The following GRIA3 variants were observed in gnomAD, a reference collection of about 807,000 sequenced individuals.
GRIA3 encodes glutamate receptor 3.
Under a neutral mutation model 63.0 loss-of-function variants are expected in GRIA3, and 3 were observed. The ratio of observed to expected loss-of-function variants is 0.05; its 90% CI spans 0.02 to 0.12. The LOEUF (loss-of-function observed/expected upper bound fraction) is 0.12, where lower values mean the gene tolerates loss of function less well. Among genes scored for constraint, GRIA3 ranks in the 10% least tolerant of loss-of-function variants. The pLI is 1.00. For synonymous variants in GRIA3, 274 were observed against 257.9 expected (o/e 1.06, Z -0.60); for missense variants, 347 against 700.9 (o/e 0.50, Z 5.70).
At chrX:123,386,379 T>C (rs2045354351) in intron 5 of GRIA3, among the ~76,000 whole-genome samples, 1 of 112,128 alleles carries the variant, frequency 8.9e-6, no homozygotes, top group Non-Finnish European at 1.9e-5. Flanking sequence ...ATGAATAGTT[T>C]ACAAATATTT....
intron 13 of GRIA3, among the ~76,000 whole-genome samples, chrX:123,476,562 G>A (rs779193953): frequency 8.9e-6 from 1 of 111,815 alleles, no homozygotes; most frequent in Non-Finnish European, 1.9e-5. Context: ...TCTTTTCTTG[G>A]CATCTATTGT....
At chrX:123,338,177 TC>T (rs1412297375) in intron 4 of GRIA3, among the ~76,000 whole-genome samples, 2 of 112,286 alleles carry the variant, frequency 1.8e-5, no homozygotes, top group African/African-American at 6.5e-5. Context: ...GCATTTTCTT[TC>T]ATCAGGGAGG....
At chrX:123,204,351 G>C (rs1476951491) in intron 2 of GRIA3, 1 of 1,037,276 alleles carries the variant, frequency 9.6e-7, no homozygotes. Flanking sequence ...CCCATGATGT[G>C]GCTCATCCAT....
intron 5 of GRIA3, among the ~76,000 whole-genome samples, chrX:123,360,881 A>T (rs2045169724): frequency 9.7e-6 from 1 of 103,367 alleles, no homozygotes; most frequent in Non-Finnish European, 2.0e-5. Flanking sequence ...ACACACACAC[A>T]CACACACACA....
intron 2 of GRIA3, among the ~76,000 whole-genome samples, chrX:123,199,766 A>G (rs756647894): frequency 8.9e-6 from 1 of 111,814 alleles, no homozygotes; most frequent in African/African-American, 3.3e-5. Context: ...CATGAGTTTC[A>G]GGCGCCACAA....
intron 3 of GRIA3, 68 bp from the exon 4 acceptor site, chrX:123,325,958 A>G (rs1392271965): frequency 1.1e-6 from 1 of 936,512 alleles, no homozygotes; most frequent in Non-Finnish European, 1.5e-6. Context: ...GTGACTAGAA[A>G]TTCAGTAGAA....
chrX:123,476,956 C>G (rs1179543665), intron 13 of GRIA3, among the ~76,000 whole-genome samples: 1 of 111,792 alleles, frequency 8.9e-6, no homozygotes, highest in South Asian at 3.7e-4. Flanking sequence ...CTAAAGTAAC[C>G]TACACTGTAA....
intron 2 of GRIA3, among the ~76,000 whole-genome samples, chrX:123,194,668 G>C (rs955395079): frequency 8.9e-6 from 1 of 112,057 alleles, no homozygotes; most frequent in Non-Finnish European, 1.9e-5. Flanking sequence ...TAGATGTATT[G>C]AATCAGAAAC....
intron 5 of GRIA3, among the ~76,000 whole-genome samples, chrX:123,365,367 G>A (rs2045203803): frequency 8.9e-6 from 1 of 111,953 alleles, no homozygotes; most frequent in Non-Finnish European, 1.9e-5. Flanking sequence ...TGTAGGCAAA[G>A]AGAACAAAGA....
intron 12 of GRIA3, among the ~76,000 whole-genome samples, chrX:123,431,159 T>G (rs990646865): frequency 9.0e-6 from 1 of 111,621 alleles, no homozygotes; most frequent in Non-Finnish European, 1.9e-5. Context: ...CCGTGCTCAC[T>G]CTATACTAAT....
rs775498817 is a variant in GRIA3, at chrX:123,218,875, T to C, written c.268+32885T>C. On this transcript the variant is annotated intron_variant, in intron 2 of 15. Transcript: ENST00000620443. ...GGGCTCAGTTGTCTGCTTTCCAAAG[T>C]GACAGCTGGGGGCTAATGAGCTAAA... Among the ~76,000 whole-genome samples the C allele has an allele frequency of 1.2e-4, 13 of 112,195 alleles. No homozygotes were observed. In the East Asian group the frequency reaches 2.5e-3, roughly 22 times the overall value.
chrX:123,488,806 G>A lies in GRIA3; in HGVS notation c.*96G>A, dbSNP rs2045954874. The A allele has an allele frequency of 9.0e-6, 1 of 110,893 alleles. No individual in the cohort carries two copies. Among genetic ancestry groups the A allele is most frequent in the African/African-American group, 3.3e-5 (1 of 30,349 alleles). The allele number at this position is 110,893 out of a possible 1,213,427, so 9.1% of individuals were successfully genotyped here. ...GCCAGATTTCACTCTCCTTGGTGTC[G>A]GGCATGACACGAATATTGCTGATGG... On this transcript the variant is annotated 3_prime_UTR_variant, in exon 16 of 16. Coordinates refer to ENST00000620443, the MANE Select transcript of GRIA3 (RefSeq NM_007325.5).
At chrX:123,430,709 G>C (rs1035463244) in intron 12 of GRIA3, among the ~76,000 whole-genome samples, 9 of 110,965 alleles carry the variant, frequency 8.1e-5, no homozygotes, top group African/African-American at 3.0e-4. Flanking sequence ...TCCTGGCCAG[G>C]TGTAGTGGCT....
chrX:123,383,912 T>C (rs765002770), intron 5 of GRIA3, among the ~76,000 whole-genome samples: 138 of 111,295 alleles, frequency 1.2e-3, no homozygotes, highest in Non-Finnish European at 2.0e-3. Context: ...CTATGTGTCC[T>C]TGTGTTCTCA....
chrX:123,477,493 A>G (rs978317340), intron 13 of GRIA3, among the ~76,000 whole-genome samples: 1 of 111,855 alleles, frequency 8.9e-6, no homozygotes, highest in Non-Finnish European at 1.9e-5. Context: ...TGCTTCTTCA[A>G]TCAATCTATT....
intron 5 of GRIA3, among the ~76,000 whole-genome samples, chrX:123,363,967 C>T (rs2045194447): frequency 9.0e-6 from 1 of 111,609 alleles, no homozygotes; most frequent in Admixed American, 9.5e-5. Context: ...TCCCTGCCTT[C>T]TCTCATATCT....
intron 4 of GRIA3, among the ~76,000 whole-genome samples, chrX:123,350,313 G>C (rs921917686): frequency 1.8e-5 from 2 of 110,615 alleles, no homozygotes; most frequent in African/African-American, 6.6e-5. Flanking sequence ...TGGCGCTGAT[G>C]TAGAAAATCC....
chrX:123,428,213 C>A, intron 12 of GRIA3, 74 bp downstream of exon 12: 1 of 687,296 alleles, frequency 1.5e-6, no homozygotes, highest in Non-Finnish European at 2.4e-6. Flanking sequence ...GTTCACAGTG[C>A]TTTTAAGGGA....
In GRIA3 at chrX:123,417,434, A is replaced by C; in HGVS notation, c.1533A>C (p.Ile511=). ...ATATAGCTGTTGCTCCACTCACTATAACATTGGTCCGTGAAGAAGTCATAG... is the reference window on the plus strand; with the variant it reads ...ATATAGCTGTTGCTCCACTCACTATCACATTGGTCCGTGAAGAAGTCATAG... The part of the protein sequence containing the change: ...RADIAVAPLT[I]TLVREEVIDF... The change falls in exon 11 of 16, where the codon ATA becomes ATC. Residue 511 remains isoleucine, a synonymous_variant. Transcript: ENST00000620443. The C allele has an allele frequency of 8.3e-7, 1 of 1,203,008 alleles. No homozygotes were observed. The highest frequency in any genetic ancestry group is 1.1e-6 in the Non-Finnish European group (1 of 888,085).
Sources: gnomAD v4.1 joint callset for allele counts (sites outside exome capture counted in the v4.1 genomes callset) on GRCh38, gnomAD v4.1.1 for gene constraint, MANE v1.5 for transcripts, NCBI Gene and HGNC (gene_info 2026-07-23, HGNC 2026-07-21) for gene names.